The following EXOC5 variants were observed in gnomAD, a reference collection of about 807,000 sequenced individuals.
The protein encoded by EXOC5 is exocyst complex component 5.
A neutral mutation model predicts 90.8 loss-of-function variants in EXOC5; 17 were observed. The observed-to-expected ratio is 0.19, with a 90% CI of 0.13 to 0.28. The LOEUF (loss-of-function observed/expected upper bound fraction) is 0.28, where lower values mean the gene tolerates loss of function less well. Among genes scored for constraint, EXOC5 ranks in the 10% least tolerant of loss-of-function variants. The probability of loss-of-function intolerance (pLI) is 1.00; values close to 1 mark genes in which losing one functional copy is unlikely to be tolerated. For missense variants in EXOC5, 569 were observed against 830.6 expected, an observed-to-expected ratio of 0.69 and a Z score of 3.87; for synonymous variants, 260 against 270.0, an observed-to-expected ratio of 0.96 and a Z score of 0.36.
intron 6 of EXOC5, among the ~76,000 whole-genome samples, chr14:57,236,426 T>C (rs1263961598): frequency 6.6e-6 from 1 of 151,774 alleles, no homozygotes; most frequent in African/African-American, 2.4e-5. Flanking sequence ...GCTAGGATTA[T>C]AGACACCCAT....
chr14:57,232,669 T>C lies in EXOC5; in HGVS notation c.936A>G (p.Thr312=). 7.4e-7 allele frequency: 1 copy of C among 1,350,972 alleles called. No individual in the cohort carries two copies. The highest frequency in any genetic ancestry group is 1.0e-6 in the Non-Finnish European group (1 of 971,440). 83.7% of individuals were successfully genotyped at this position (1,350,972 alleles called of 1,614,324 possible). A position where few individuals can be genotyped will look rare whatever the true frequency, so the allele number is the denominator to read the frequency against. The part of the protein sequence containing the change: ...QYLKNLYDLY[T]RTTNLSSKLM... ...TTTTCTAATCATTAAAAATTTACCT[T>C]GTATACAGATCATAGAGATTTTTGA... Residue 312 remains threonine (T), a splice_region_variant and synonymous_variant, in exon 10 of 18, where the codon ACA becomes ACG. Coordinates refer to ENST00000621441, the MANE Select transcript of EXOC5 (RefSeq NM_006544.4).
intron 1 of EXOC5, among the ~76,000 whole-genome samples, chr14:57,261,019 T>C (rs1190859904): frequency 6.6e-6 from 1 of 152,214 alleles, no homozygotes; most frequent in East Asian, 1.9e-4. Flanking sequence ...ATAACTTGAA[T>C]AAGCAAAGAT....
chr14:57,243,991 T>C (rs1433229682), intron 4 of EXOC5, 174 bp downstream of exon 4: 1 of 543,382 alleles, frequency 1.8e-6, no homozygotes, highest in Admixed American at 3.4e-5. Flanking sequence ...TATTAACACT[T>C]CATCAGCAAT....
chr14:57,221,393 C>T (rs1015536398), intron 13 of EXOC5, among the ~76,000 whole-genome samples: 3 of 152,142 alleles, frequency 2.0e-5, no homozygotes, highest in African/African-American at 7.2e-5. Context: ...GAAACCACCA[C>T]AGAGTTTTAA....
chr14:57,258,882 T>C (rs1052628591), intron 1 of EXOC5, among the ~76,000 whole-genome samples: 2 of 152,146 alleles, frequency 1.3e-5, no homozygotes, highest in Non-Finnish European at 2.9e-5. Flanking sequence ...GCTAGGATAT[T>C]TCCCCCAGCC....
chr14:57,267,226 T>A (rs1258878327), intron 1 of EXOC5, among the ~76,000 whole-genome samples: 2 of 152,230 alleles, frequency 1.3e-5, no homozygotes, highest in African/African-American at 4.8e-5. Context: ...CAGAAATTAA[T>A]GTAGCATATC....
chr14:57,238,432 GTA>G (rs777763388), intron 5 of EXOC5, among the ~76,000 whole-genome samples: 8 of 121,162 alleles, frequency 6.6e-5, no homozygotes, highest in Non-Finnish European at 1.3e-4. Flanking sequence ...ATATATATAT[GTA>G]TATATGCATG....
chr14:57,247,519 T>G lies in EXOC5; in HGVS notation c.122+99A>C, dbSNP rs114198892. On this transcript the variant is annotated intron_variant, in intron 2 of 17. Transcript: ENST00000621441. ...ATTGGCCAAATGTTAACTAAAATCC[T>G]TGTAGAGGAATGCTGAAAGCAATCT... 1,464 of 508,660 alleles carry G rather than the reference T, an allele frequency of 2.9e-3. 20 individuals are homozygous for G. Among genetic ancestry groups the G allele is most frequent in the African/African-American group, 0.026 (1,302 of 50,242 alleles). The allele number at this position is 508,660 out of a possible 1,614,324, so 31.5% of individuals were successfully genotyped here. A position where few individuals can be genotyped will look rare whatever the true frequency, so the allele number is the denominator to read the frequency against.
At chr14:57,227,081 CAAT>C (rs1646021946) in intron 12 of EXOC5, among the ~76,000 whole-genome samples, 1 of 151,940 alleles carries the variant, frequency 6.6e-6, no homozygotes, top group South Asian at 2.1e-4. Flanking sequence ...TAAATTGTAA[CAAT>C]ATAGAGTGCT....
At position 57,207,660 on chromosome 14, in the gene EXOC5, T is replaced by A. The variant is rs1416144041; in HGVS notation, c.*949A>T. 7 of 152,102 alleles carry A rather than the reference T, an allele frequency of 4.6e-5. No homozygotes were observed. The highest frequency in any genetic ancestry group is 1.5e-5 in the Non-Finnish European group (1 of 67,974). 9.4% of individuals were successfully genotyped at this position (152,102 alleles called of 1,614,324 possible). On this transcript the variant is annotated 3_prime_UTR_variant, in exon 18 of 18. Coordinates refer to ENST00000621441, the MANE Select transcript of EXOC5 (RefSeq NM_006544.4). ...TTAAAATAAAAGACTAACCACATGTTCAGCCATTCCATCTTATTCAAGTTT... is the reference window on the plus strand; with the variant it reads ...TTAAAATAAAAGACTAACCACATGTACAGCCATTCCATCTTATTCAAGTTT...
At position 57,200,758 on chromosome 14, in the gene EXOC5, A is replaced by T. The variant is rs1456041998; in HGVS notation, c.*7851T>A. 1.3e-5 allele frequency: 1 copy of T among 74,218 alleles called. No individual in the cohort carries two copies. The highest frequency in any genetic ancestry group is 3.3e-4 in the South Asian group (1 of 2,990). The allele number at this position is 74,218 out of a possible 1,614,324, so 4.6% of individuals were successfully genotyped here. On this transcript the variant is annotated 3_prime_UTR_variant, in exon 18 of 18. Transcript: ENST00000621441. ...GCTTTACTAATTTGCTCACTACATT[A>T]AAAAAAAAAAAAAAAAACTTCCACC...
chr14:57,200,709 A>G lies in EXOC5; in HGVS notation c.*7900T>C, dbSNP rs1022500806. 6.6e-6 allele frequency: 1 copy of G among 151,762 alleles called. No homozygotes were observed. Among genetic ancestry groups the G allele is most frequent in the Admixed American group, 6.6e-5 (1 of 15,238 alleles). The allele number at this position is 151,762 out of a possible 1,614,324, so 9.4% of individuals were successfully genotyped here. ...ATGTAAGTTCTGTGTCTTGGGCATA[A>G]CACTTTACCCCCTCCTCAATTCAGC... On this transcript the variant is annotated 3_prime_UTR_variant, in exon 18 of 18. Transcript: ENST00000621441.
rs767964731 is a variant in EXOC5, at chr14:57,206,037, G to C, written c.*2572C>G. On this transcript the variant is annotated 3_prime_UTR_variant, in exon 18 of 18. Coordinates refer to ENST00000621441, the MANE Select transcript of EXOC5 (RefSeq NM_006544.4). ...AAGGTAGGCTTCCTTTATTAAATTC[G>C]TATTCTGTATTTCAGATATTTCTCA... The C allele has an allele frequency of 8.8e-6, 4 of 452,402 alleles. No individual in the cohort carries two copies. The highest frequency in any genetic ancestry group is 3.1e-5 in the South Asian group (2 of 64,100). 28.0% of individuals were successfully genotyped at this position (452,402 alleles called of 1,614,324 possible). A position where few individuals can be genotyped will look rare whatever the true frequency, so the allele number is the denominator to read the frequency against.
Position 57,247,703 on chromosome 14 carries a change from C to T in EXOC5, c.37G>A (p.Val13Met), listed in dbSNP as rs746362594. 3 of 1,541,940 alleles carry T rather than the reference C, an allele frequency of 1.9e-6. No homozygotes were observed. Among genetic ancestry groups the T allele is most frequent in the Admixed American group, 1.9e-5 (1 of 51,790 alleles). The change falls in exon 2 of 18, where the codon GTG (valine) becomes ATG (methionine). Residue 13 changes from valine (V) to methionine (M), a missense_variant. Coordinates refer to ENST00000621441, the MANE Select transcript of EXOC5 (RefSeq NM_006544.4). ...AGACGTTCAATATATTCATCTGCCA[C>T]AAAAGGCTCCTAGTTTACAAAAAAA... is the stretch of plus-strand genomic sequence containing the variant. Reference protein sequence around the residue: ...TTAELFEEPFVADEYIERLVW... With the variant: ...TTAELFEEPFMADEYIERLVW...
At position 57,203,973 on chromosome 14, in the gene EXOC5, G is replaced by C. The variant is rs1477109933; in HGVS notation, c.*4636C>G. The stretch of plus-strand genomic sequence containing the variant: ...CTGTCTAGCAAAATCTATGCCTTCT[G>C]AATAAATGACTTTCCTCTGAGGTTG... On this transcript the variant is annotated 3_prime_UTR_variant, in exon 18 of 18. Coordinates refer to ENST00000621441, the MANE Select transcript of EXOC5 (RefSeq NM_006544.4). 1 of 152,490 alleles carries C rather than the reference G, an allele frequency of 6.6e-6. No homozygotes were observed. The highest frequency in any genetic ancestry group is 1.5e-5 in the Non-Finnish European group (1 of 67,984). 9.4% of individuals were successfully genotyped at this position (152,490 alleles called of 1,614,324 possible).
chr14:57,231,482 G>C, intron 11 of EXOC5, 24 bp downstream of exon 11: 1 of 1,508,388 alleles, frequency 6.6e-7, no homozygotes, highest in Non-Finnish European at 9.1e-7. Flanking sequence ...AGTTTTAACA[G>C]AAGTATTTAA....
At chr14:57,265,117 A>C (rs1884628993) in intron 1 of EXOC5, among the ~76,000 whole-genome samples, 2 of 151,614 alleles carry the variant, frequency 1.3e-5, no homozygotes, top group South Asian at 4.2e-4. Flanking sequence ...TCCATAACTT[A>C]CTTGGTCACT....
chr14:57,255,663 T>C (rs987643640), intron 1 of EXOC5, among the ~76,000 whole-genome samples: 7 of 152,036 alleles, frequency 4.6e-5, no homozygotes, highest in African/African-American at 1.7e-4. Flanking sequence ...TGAAACCCTG[T>C]CTCTACTAAA....
chr14:57,247,888 A>G (rs992983235), intron 1 of EXOC5, among the ~76,000 whole-genome samples, 176 bp from the exon 2 acceptor site: 3 of 101,578 alleles, frequency 3.0e-5, no homozygotes, highest in Non-Finnish European at 5.0e-5. Context: ...TTCAATAAAC[A>G]AAACAAATTA....
Sources: gnomAD v4.1 joint callset for allele counts (sites outside exome capture counted in the v4.1 genomes callset) on GRCh38, gnomAD v4.1.1 for gene constraint, MANE v1.5 for transcripts, NCBI Gene and HGNC (gene_info 2026-07-23, HGNC 2026-07-21) for gene names.